Variants in SAMD5 observed in about 807,000 individuals in gnomAD.
SAMD5 encodes the protein sterile alpha motif domain-containing protein 5.
Under a neutral mutation model 11.3 loss-of-function variants are expected in SAMD5, and 13 were observed. The ratio of observed to expected loss-of-function variants is 1.15; its 90% CI spans 0.75 to 1.83. SAMD5 has a LOEUF of 1.83. Among genes scored for constraint, SAMD5 ranks in the 40% most tolerant of loss-of-function variants. SAMD5 has a pLI of 0.00. For synonymous variants in SAMD5, 129 were observed against 111.3 expected, an observed-to-expected ratio of 1.16 and a Z score of -1.00; for missense variants, 255 against 239.1, an observed-to-expected ratio of 1.07 and a Z score of -0.44.
At chr6:147,669,420 C>CTTTTTT (rs55877273) in intron 1 of SAMD5, among the ~76,000 whole-genome samples, 8 of 74,512 alleles carry the variant, frequency 1.1e-4, no homozygotes, top group African/African-American at 2.6e-4. Flanking sequence ...AGCTCCACTT[C>CTTTTTT]TTTTTTTTTT....
At chr6:147,848,220 G>A in the SAMD5 span, among the ~76,000 whole-genome samples, 2 of 152,108 alleles carry the variant, frequency 1.3e-5, no homozygotes, top group Non-Finnish European at 2.9e-5. Flanking sequence ...TCGACAAATC[G>A]CTGTACATTT....
At chr6:147,558,175 C>T (rs1382587305) in intron 1 of SAMD5, among the ~76,000 whole-genome samples, 1 of 152,056 alleles carries the variant, frequency 6.6e-6, no homozygotes, top group Non-Finnish European at 1.5e-5. Context: ...ATTTCAAAGA[C>T]AATTAGTATA....
At chr6:147,661,113 T>C (rs1790642859) in intron 1 of SAMD5, among the ~76,000 whole-genome samples, 1 of 152,206 alleles carries the variant, frequency 6.6e-6, no homozygotes, top group African/African-American at 2.4e-5. Context: ...ATTATATGTA[T>C]ATATATTCCC....
chr6:147,846,409 TG>T, the SAMD5 span, among the ~76,000 whole-genome samples: 2 of 152,194 alleles, frequency 1.3e-5, no homozygotes, highest in Non-Finnish European at 2.9e-5. Context: ...CTTTGTGAAT[TG>T]TGCCAATGTC....
chr6:147,858,450 G>C, the SAMD5 span, among the ~76,000 whole-genome samples: 1 of 152,130 alleles, frequency 6.6e-6, no homozygotes, highest in African/African-American at 2.4e-5. Context: ...TTAGTTTAGG[G>C]CCACTGGAGG....
At chr6:147,806,308 G>A in the SAMD5 span, among the ~76,000 whole-genome samples, 263 of 119,556 alleles carry the variant, frequency 2.2e-3, no homozygotes, top group African/African-American at 0.011. Context: ...GCGCATGCGC[G>A]CGCGCGCGCG....
At chr6:147,773,740 T>TG in the SAMD5 span, among the ~76,000 whole-genome samples, 1 of 152,276 alleles carries the variant, frequency 6.6e-6, no homozygotes, top group Non-Finnish European at 1.5e-5. Context: ...TAGCATCATA[T>TG]GGGGGAATAG....
chr6:147,748,216 A>C, the SAMD5 span, among the ~76,000 whole-genome samples: 4 of 152,220 alleles, frequency 2.6e-5, 1 homozygote, highest in African/African-American at 7.2e-5. Context: ...GGGGGAAAAG[A>C]TGTCCCTTAC....
At chr6:147,793,027 T>C in the SAMD5 span, among the ~76,000 whole-genome samples, 1 of 152,198 alleles carries the variant, frequency 6.6e-6, no homozygotes, top group African/African-American at 2.4e-5. Context: ...TATATCCCCA[T>C]TCTTTAAGTG....
intron 1 of SAMD5, among the ~76,000 whole-genome samples, chr6:147,548,990 G>A (rs1325006808): frequency 2.6e-5 from 4 of 152,108 alleles, no homozygotes; most frequent in African/African-American, 4.8e-5. Context: ...TTACAAAACT[G>A]TGCATGGTTC....
At chr6:147,510,595 TA>T (rs1195258139) in intron 1 of SAMD5, among the ~76,000 whole-genome samples, 1 of 152,150 alleles carries the variant, frequency 6.6e-6, no homozygotes, top group Non-Finnish European at 1.5e-5. Context: ...GAATCTTAAG[TA>T]AAGGCTGTAA....
chr6:147,707,071 G>A (rs6901947), intron 1 of SAMD5, among the ~76,000 whole-genome samples: 107,081 of 152,122 alleles, frequency 0.7, 38,357 homozygotes, highest in African/African-American at 0.82. Flanking sequence ...CTAATGATGT[G>A]TTTTTTGAGG....
At chr6:147,662,755 A>G (rs1179028375) in intron 1 of SAMD5, among the ~76,000 whole-genome samples, 1 of 152,150 alleles carries the variant, frequency 6.6e-6, no homozygotes, top group Non-Finnish European at 1.5e-5. Flanking sequence ...CTTCTGCTAC[A>G]TCAGTCTTCT....
intron 1 of SAMD5, among the ~76,000 whole-genome samples, chr6:147,669,149 T>C (rs1790761608): frequency 6.6e-6 from 1 of 152,200 alleles, no homozygotes; most frequent in African/African-American, 2.4e-5. Context: ...CTCTGTAGCA[T>C]GTGATGCTAT....
intron 1 of SAMD5, among the ~76,000 whole-genome samples, chr6:147,561,143 A>G (rs187435440): frequency 1.6e-3 from 239 of 152,360 alleles, no homozygotes; most frequent in African/African-American, 5.2e-3. Context: ...TAAGACACCA[A>G]AATATAACTT....
chr6:147,771,206 CAT>C, the SAMD5 span, among the ~76,000 whole-genome samples: 1 of 152,222 alleles, frequency 6.6e-6, no homozygotes, highest in Non-Finnish European at 1.5e-5. Flanking sequence ...ATAAGAAACA[CAT>C]GTCTCTGAAC....
intron 1 of SAMD5, among the ~76,000 whole-genome samples, chr6:147,541,049 A>G (rs964526924): frequency 1.4e-5 from 2 of 147,600 alleles, no homozygotes; most frequent in African/African-American, 5.0e-5. Flanking sequence ...TCCTGGGTTC[A>G]AGCGATTCTC....
At chr6:147,883,352 G>A in the SAMD5 span, among the ~76,000 whole-genome samples, 1 of 152,180 alleles carries the variant, frequency 6.6e-6, no homozygotes, top group Non-Finnish European at 1.5e-5. Context: ...GAGTGGGTTG[G>A]AGCAGATCTG....
chr6:147,690,075 T>G (rs888180556), intron 1 of SAMD5, among the ~76,000 whole-genome samples: 1 of 152,180 alleles, frequency 6.6e-6, no homozygotes, highest in Admixed American at 6.5e-5. Flanking sequence ...ACAGTGCAAT[T>G]TTGAATCAAA....
Sources: gnomAD v4.1 joint callset for allele counts (sites outside exome capture counted in the v4.1 genomes callset) on GRCh38, gnomAD v4.1.1 for gene constraint, MANE v1.5 for transcripts, NCBI Gene and HGNC (gene_info 2026-07-23, HGNC 2026-07-21) for gene names.